The following CYP51A1 variants were observed in gnomAD, a reference collection of about 807,000 sequenced individuals.
CYP51A1 encodes the protein cytochrome P450 family 51 subfamily A member 1, also known as lanosterol 14-alpha demethylase.
In CYP51A1, 45 loss-of-function variants were observed where a neutral mutation model predicts 53.5. The ratio of observed to expected loss-of-function variants is 0.84; its 90% CI spans 0.66 to 1.08. The LOEUF (loss-of-function observed/expected upper bound fraction) is 1.08. Among genes scored for constraint, CYP51A1 ranks in the 50% least tolerant of loss-of-function variants. The pLI, the probability that CYP51A1 is intolerant of heterozygous loss-of-function variation, is 0.00. For missense variants in CYP51A1, 462 were observed against 621.7 expected, an observed-to-expected ratio of 0.74 and a Z score of 2.73; for synonymous variants, 181 against 217.7, an observed-to-expected ratio of 0.83 and a Z score of 1.48.
chr7:92,125,922 G>C (rs1468369307), intron 5 of CYP51A1, among the ~76,000 whole-genome samples: 1 of 151,184 alleles, frequency 6.6e-6, no homozygotes, highest in Non-Finnish European at 1.5e-5. Context: ...TTGAACACAG[G>C]AGGCAGAGAC....
intron 6 of CYP51A1, 106 bp downstream of exon 6, chr7:92,123,628 A>T: frequency 9.0e-7 from 1 of 1,107,562 alleles, no homozygotes; most frequent in African/African-American, 1.6e-5. Context: ...ACAGCTACCA[A>T]CTTATTTTGC....
Position 92,128,139 on chromosome 7 carries a change from C to T in CYP51A1, c.469-508G>A, listed in dbSNP as rs921686300. Among the ~76,000 whole-genome samples, 8 of 152,282 alleles carry T rather than the reference C, an allele frequency of 5.3e-5. No homozygotes were observed. The South Asian group carries it at 1.0e-3, about 20-fold the overall frequency. ...TCTGAAGTCAGCAATCTCTAAACAG[C>T]GCTTATGTTAGAATTTCAGGCAGGA... On this transcript the variant is annotated intron_variant, in intron 3 of 9. Transcript: ENST00000003100.
intron 1 of CYP51A1, 66 bp downstream of exon 1, chr7:92,134,107 A>C: frequency 6.6e-7 from 1 of 1,522,304 alleles, no homozygotes; most frequent in Admixed American, 1.8e-5. Flanking sequence ...GGAGCCGCCC[A>C]CGCCAGCCCT....
rs760567006 is a variant in CYP51A1, at chr7:92,123,141, C to T, written c.1065G>A (p.Leu355=). The T allele has an allele frequency of 6.2e-7, 1 of 1,613,070 alleles. No homozygotes were observed. The highest frequency in any genetic ancestry group is 8.5e-7 in the Non-Finnish European group (1 of 1,179,394). The change falls in exon 7 of 10, where the codon CTG becomes CTA. Residue 355 remains leucine, a synonymous_variant. Transcript: ENST00000003100. ...AAACCTGGTCATAAGTTAAAGGAGG[C>T]AGATTCTCTCCACAGACTGTTTTCT... is the stretch of plus-strand genomic sequence containing the variant. ...LEQKTVCGEN[L]PPLTYDQLKD...
At chr7:92,119,007 T>C (rs1819633665) in intron 7 of CYP51A1, among the ~76,000 whole-genome samples, 1 of 152,144 alleles carries the variant, frequency 6.6e-6, no homozygotes, top group Admixed American at 6.5e-5. Context: ...GTAGTGTAAG[T>C]TGTATTTCTT....
intron 9 of CYP51A1, among the ~76,000 whole-genome samples, chr7:92,115,139 A>G (rs1042409031): frequency 1.3e-5 from 2 of 152,248 alleles, no homozygotes; most frequent in African/African-American, 4.8e-5. Context: ...TGAATGAACT[A>G]TATGCACCAA....
At chr7:92,132,429 CTG>C (rs1782412840) in intron 1 of CYP51A1, among the ~76,000 whole-genome samples, 1 of 152,018 alleles carries the variant, frequency 6.6e-6, no homozygotes, top group Non-Finnish European at 1.5e-5. Context: ...TGTTATTAAA[CTG>C]TGTTTTTTTA....
Position 92,117,159 on chromosome 7 carries a change from A to G in CYP51A1, c.1236T>C (p.Thr412=), listed in dbSNP as rs574322022. The G allele has an allele frequency of 2.5e-6, 4 of 1,614,164 alleles. No individual in the cohort carries two copies. In the African/African-American group the frequency reaches 5.3e-5, roughly 22 times the overall value. Reference sequence around the variant, plus strand: ...ATGAGTCTTTAAGTCTTTGATTGACAGTGGGAGAAACACACACCTGATGTC... The same window carrying G: ...ATGAGTCTTTAAGTCTTTGATTGACGGTGGGAGAAACACACACCTGATGTC... ...PPGHQVCVSP[T]VNQRLKDSWV... is the part of the protein sequence containing the mutation. Residue 412 remains threonine (T), a synonymous_variant, in exon 9 of 10, where the codon ACT becomes ACC. Transcript: ENST00000003100.
At chr7:92,133,762 A>AC (rs1023079645) in intron 1 of CYP51A1, among the ~76,000 whole-genome samples, 3 of 150,640 alleles carry the variant, frequency 2.0e-5, no homozygotes, top group Admixed American at 2.0e-4. Flanking sequence ...CTCCGTCAGG[A>AC]CCCCCACCAA....
intron 8 of CYP51A1, among the ~76,000 whole-genome samples, 158 bp downstream of exon 8, chr7:92,118,362 T>C (rs369995866): frequency 5.1e-4 from 78 of 152,258 alleles, no homozygotes; most frequent in African/African-American, 1.8e-3. Flanking sequence ...AGTCTCACTA[T>C]GTTGCCCAGG....
upstream of CYP51A1, chr7:92,134,596 G>A (rs1584641599): frequency 2.0e-6 from 1 of 504,850 alleles, no homozygotes; most frequent in Non-Finnish European, 3.5e-6. Context: ...GTCTTCTTGC[G>A]CGGGATAGGG....
intron 7 of CYP51A1, among the ~76,000 whole-genome samples, chr7:92,121,707 G>A (rs1229644924): frequency 6.6e-6 from 1 of 152,136 alleles, no homozygotes; most frequent in Non-Finnish European, 1.5e-5. Flanking sequence ...AGTGAAACAA[G>A]GTAGTCACAA....
At position 92,133,366 on chromosome 7, in the gene CYP51A1, G is replaced by A. The variant is rs780618118; in HGVS notation, c.192+807C>T. On this transcript the variant is annotated intron_variant, in intron 1 of 9. Transcript: ENST00000003100. Reference sequence around the variant, plus strand: ...GCCTCCTAGGTTCAAGTGATTCTCGGGCCTCAGCTTCCCAAGCAGCTGGGA... The same window carrying A: ...GCCTCCTAGGTTCAAGTGATTCTCGAGCCTCAGCTTCCCAAGCAGCTGGGA... Among the ~76,000 whole-genome samples the A allele has an allele frequency of 2.6e-5, 4 of 151,832 alleles. No individual in the cohort carries two copies. The South Asian group carries it at 8.3e-4, about 31-fold the overall frequency.
Position 92,134,159 on chromosome 7 carries a change from A to C in CYP51A1, c.192+14T>G. On this transcript the variant is annotated intron_variant, in intron 1 of 9. Transcript: ENST00000003100. Reference sequence around the variant, plus strand: ...CGGCGCGCGCCCCACTCAGACCCTAAAGAATGTACGTACCACCCCTGCGGG... The same window carrying C: ...CGGCGCGCGCCCCACTCAGACCCTACAGAATGTACGTACCACCCCTGCGGG... The C allele has an allele frequency of 6.2e-7, 1 of 1,610,606 alleles. No individual in the cohort carries two copies. The highest frequency in any genetic ancestry group is 8.5e-7 in the Non-Finnish European group (1 of 1,179,300).
intron 9 of CYP51A1, among the ~76,000 whole-genome samples, chr7:92,116,557 C>G (rs1819581905): frequency 6.6e-6 from 1 of 152,134 alleles, no homozygotes; most frequent in Admixed American, 6.5e-5. Context: ...AATTTGCAAG[C>G]CTACACACAA....
At chr7:92,132,134 A>G (rs1819935112) in intron 1 of CYP51A1, among the ~76,000 whole-genome samples, 1 of 152,222 alleles carries the variant, frequency 6.6e-6, no homozygotes, top group Non-Finnish European at 1.5e-5. Context: ...CTGTAAATTT[A>G]AATGATGGAC....
chr7:92,123,976 A>G (rs1015391777), intron 5 of CYP51A1, 123 bp from the exon 6 acceptor site: 2 of 706,392 alleles, frequency 2.8e-6, no homozygotes, highest in Non-Finnish European at 4.4e-6. Flanking sequence ...TGACTCTAAA[A>G]TAATTGACAA....
At chr7:92,114,196 A>G (rs1819534115) in intron 9 of CYP51A1, among the ~76,000 whole-genome samples, 1 of 152,198 alleles carries the variant, frequency 6.6e-6, no homozygotes, top group Non-Finnish European at 1.5e-5. Flanking sequence ...AAAAGTCAAT[A>G]TGAAAACCTT....
At chr7:92,115,394 T>C (rs1819562633) in intron 9 of CYP51A1, among the ~76,000 whole-genome samples, 1 of 152,140 alleles carries the variant, frequency 6.6e-6, no homozygotes, top group Non-Finnish European at 1.5e-5. Context: ...AAGAATGCCA[T>C]GTTAAGATAC....
Sources: gnomAD v4.1 joint callset for allele counts (sites outside exome capture counted in the v4.1 genomes callset) on GRCh38, gnomAD v4.1.1 for gene constraint, MANE v1.5 for transcripts, NCBI Gene and HGNC (gene_info 2026-07-23, HGNC 2026-07-21) for gene names.